ESR1: variants seen among roughly 807,000 people sequenced by gnomAD.
ESR1 encodes the protein estrogen receptor.
A neutral mutation model predicts 52.7 loss-of-function variants in ESR1; 12 were observed. The ratio of observed to expected loss-of-function variants is 0.23; its 90% CI spans 0.15 to 0.37. The LOEUF is 0.37. Ranked by LOEUF, ESR1 falls within the 10% of genes least tolerant of loss-of-function variation. ESR1 has a pLI of 1.00. For missense variants in ESR1, 584 were observed against 779.7 expected (o/e 0.75, Z 2.99); for synonymous variants, 305 against 316.8 (o/e 0.96, Z 0.39).
At chr6:151,997,081 CA>C (rs148073416) in intron 4 of ESR1, among the ~76,000 whole-genome samples, 7 of 145,058 alleles carry the variant, frequency 4.8e-5, no homozygotes, top group Non-Finnish European at 6.1e-5. Flanking sequence ...AAAACAAAAA[CA>C]AAAAAAAAAC....
intron 5 of ESR1, among the ~76,000 whole-genome samples, chr6:152,056,589 G>A (rs528858984): frequency 6.6e-6 from 1 of 152,274 alleles, no homozygotes; most frequent in East Asian, 1.9e-4. Context: ...TATTTTTATA[G>A]AGGAGAAACT....
Position 151,956,865 on chromosome 6 carries a change from T to TAA in ESR1, c.1096+12358_1096+12359insAA, listed in dbSNP as rs1178234050. Among the ~76,000 whole-genome samples the TAA allele has an allele frequency of 5.4e-5, 4 of 74,704 alleles. No homozygotes were observed. The East Asian group carries it at 1.5e-3, about 27-fold the overall frequency. 49.0% of individuals were successfully genotyped at this position (74,704 alleles called of 152,430 possible). A position where few individuals can be genotyped will look rare whatever the true frequency, so the allele number is the denominator to read the frequency against. On this transcript the variant is annotated intron_variant, in intron 4 of 7. Transcript: ENST00000206249. Reference sequence around the variant, plus strand: ...ATAAATATATATATATATATATAAATATATATATATATATAAAATTTTTTT... The same window carrying TAA: ...ATAAATATATATATATATATATAAATAAATATATATATATATAAAATTTTTTT...
At chr6:151,832,762 T>C (rs1782650187) in intron 1 of ESR1, among the ~76,000 whole-genome samples, 1 of 152,224 alleles carries the variant, frequency 6.6e-6, no homozygotes, top group South Asian at 2.1e-4. Context: ...GTGTGGGTGT[T>C]ATATAAATAC....
intron 4 of ESR1, among the ~76,000 whole-genome samples, chr6:152,010,671 T>C (rs1340677316): frequency 2.0e-5 from 3 of 152,096 alleles, no homozygotes; most frequent in African/African-American, 7.2e-5. Flanking sequence ...TCAGAAGATA[T>C]AGTGTCCATT....
chr6:151,702,571 A>G (rs1008752604), intron 2 of ESR1, among the ~76,000 whole-genome samples: 1 of 152,246 alleles, frequency 6.6e-6, no homozygotes. Flanking sequence ...ACCTAAAAAT[A>G]GAGACATAGT....
At chr6:151,892,324 G>A (rs889257712) in intron 3 of ESR1, among the ~76,000 whole-genome samples, 8 of 152,136 alleles carry the variant, frequency 5.3e-5, no homozygotes, top group Admixed American at 1.3e-4. Context: ...AGCAACTGCC[G>A]CAGCTATCAT....
At chr6:151,917,802 A>G (rs1452650942) in intron 3 of ESR1, among the ~76,000 whole-genome samples, 1 of 152,230 alleles carries the variant, frequency 6.6e-6, no homozygotes, top group African/African-American at 2.4e-5. Context: ...TGGGAAAGGA[A>G]CGTTGCAGTA....
At chr6:152,006,856 A>C (rs1474672356) in intron 4 of ESR1, among the ~76,000 whole-genome samples, 2 of 152,042 alleles carry the variant, frequency 1.3e-5, no homozygotes, top group African/African-American at 4.8e-5. Context: ...TTTCCAGTGA[A>C]TCTACTGAGG....
At chr6:152,103,475 T>A (rs556714042), downstream of ESR1, among the ~76,000 whole-genome samples, 48 of 152,318 alleles carry the variant, frequency 3.2e-4, no homozygotes, top group African/African-American at 1.1e-3. Flanking sequence ...CTGGCCTCAA[T>A]TCTTGGCTTC....
At chr6:152,114,853 T>C (rs374270203) in intron 6 of ESR1, among the ~76,000 whole-genome samples, 8 of 120,708 alleles carry the variant, frequency 6.6e-5, no homozygotes, top group East Asian at 5.4e-4. Flanking sequence ...ATCGCGCCAC[T>C]GCACTCCAGC....
At chr6:151,706,118 T>C (rs746206358) in intron 2 of ESR1, among the ~76,000 whole-genome samples, 1 of 152,230 alleles carries the variant, frequency 6.6e-6, no homozygotes, top group South Asian at 2.1e-4. Context: ...CACCAGCAGC[T>C]GGAATCAGCT....
chr6:151,950,271 T>C (rs779035064), intron 4 of ESR1, among the ~76,000 whole-genome samples: 1 of 152,132 alleles, frequency 6.6e-6, no homozygotes, highest in Non-Finnish European at 1.5e-5. Context: ...TCTGGGTCAG[T>C]GTGTGTTTAT....
intron 6 of ESR1, among the ~76,000 whole-genome samples, chr6:152,089,908 T>C (rs1448634023): frequency 6.6e-6 from 1 of 152,180 alleles, no homozygotes; most frequent in Non-Finnish European, 1.5e-5. Context: ...GTAGATTTAG[T>C]TCAGTAGGGC....
chr6:152,115,275 G>A (rs957906559), intron 6 of ESR1, among the ~76,000 whole-genome samples: 4 of 152,048 alleles, frequency 2.6e-5, no homozygotes, highest in African/African-American at 4.8e-5. Flanking sequence ...AAATAGTTAC[G>A]CCATACTGAA....
At chr6:151,723,345 T>A (rs535067058) in intron 2 of ESR1, among the ~76,000 whole-genome samples, 2 of 152,336 alleles carry the variant, frequency 1.3e-5, no homozygotes, top group Admixed American at 6.5e-5. Context: ...TTTAGTTTCC[T>A]CAGTCACCAC....
intron 6 of ESR1, among the ~76,000 whole-genome samples, chr6:152,076,898 A>G (rs2048776870): frequency 6.6e-6 from 1 of 152,236 alleles, no homozygotes; most frequent in South Asian, 2.1e-4. Flanking sequence ...AACAGCATAA[A>G]AGTTCAGAAA....
chr6:152,082,337 CAT>C (rs982985582), intron 6 of ESR1, among the ~76,000 whole-genome samples: 1 of 152,162 alleles, frequency 6.6e-6, no homozygotes, highest in African/African-American at 2.4e-5. Context: ...TAATCCATCA[CAT>C]AAACAGAACC....
intron 6 of ESR1, among the ~76,000 whole-genome samples, chr6:152,120,171 C>T (rs1391611070): frequency 6.6e-6 from 1 of 152,204 alleles, no homozygotes; most frequent in Non-Finnish European, 1.5e-5. Context: ...AGTCTCTTTG[C>T]GCTTGCCTTT....
At chr6:151,747,718 A>G (rs1783587393) in intron 2 of ESR1, among the ~76,000 whole-genome samples, 1 of 152,344 alleles carries the variant, frequency 6.6e-6, no homozygotes, top group Non-Finnish European at 1.5e-5. Flanking sequence ...CATTTTATAT[A>G]AATAGAACAA....
Sources: allele counts gnomAD v4.1 joint callset (sites outside exome capture counted in the v4.1 genomes callset), GRCh38; gene constraint gnomAD v4.1.1; transcripts MANE v1.5; gene names NCBI Gene and HGNC (gene_info 2026-07-23, HGNC 2026-07-21).